DPYD: variants seen among roughly 807,000 people sequenced by gnomAD.
The protein encoded by DPYD is dihydropyrimidine dehydrogenase [NADP(+)].
DPYD carries 109 observed loss-of-function variants against 116.2 expected under a neutral mutation model. The observed-to-expected ratio is 0.94, with a 90% CI of 0.80 to 1.10. DPYD has a LOEUF of 1.10. Ranked by LOEUF, DPYD falls within the 50% of genes least tolerant of loss-of-function variation. The pLI is 0.00. For missense variants in DPYD, 1,302 were observed against 1,254.5 expected, an observed-to-expected ratio of 1.04 and a Z score of -0.57; for synonymous variants, 440 against 432.0, an observed-to-expected ratio of 1.02 and a Z score of -0.23.
At chr1:97,606,066 C>T (rs150643639) in intron 8 of DPYD, among the ~76,000 whole-genome samples, 51 of 152,052 alleles carry the variant, frequency 3.4e-4, no homozygotes, top group African/African-American at 1.2e-3. Flanking sequence ...ATTTTTGTTG[C>T]ATAAAATTAT....
chr1:97,266,138 A>G (rs1664212742), intron 18 of DPYD, among the ~76,000 whole-genome samples: 1 of 152,206 alleles, frequency 6.6e-6, no homozygotes, highest in Non-Finnish European at 1.5e-5. Context: ...TTAGCTCATA[A>G]TATTTTTAGT....
chr1:97,586,416 C>A (rs549362820), intron 10 of DPYD: 2 of 131,686 alleles, frequency 1.5e-5, no homozygotes, highest in Non-Finnish European at 3.1e-5. Flanking sequence ...AGGTAAAAAA[C>A]GTTCACTTTT....
At position 97,206,184 on chromosome 1, in the gene DPYD, G is replaced by A. The variant is rs1659584501; in HGVS notation, c.2443-12936C>T. Among the ~76,000 whole-genome samples the A allele has an allele frequency of 2.0e-5, 3 of 151,950 alleles. No individual in the cohort carries two copies. The South Asian group carries it at 6.2e-4, about 32-fold the overall frequency. On this transcript the variant is annotated intron_variant, in intron 19 of 22. Transcript: ENST00000370192. ...CAGCCTAAAAAAAAAACTCAAAGGGGACAGGGGAGGCAAGGAGCTACTCAA... is the reference window on the plus strand; with the variant it reads ...CAGCCTAAAAAAAAAACTCAAAGGGAACAGGGGAGGCAAGGAGCTACTCAA...
intron 8 of DPYD, among the ~76,000 whole-genome samples, chr1:97,619,891 T>C (rs1016197111): frequency 6.6e-5 from 10 of 152,148 alleles, no homozygotes; most frequent in East Asian, 1.9e-4. Context: ...TGTTGAAAAA[T>C]AGATTTGAGG....
intron 11 of DPYD, among the ~76,000 whole-genome samples, chr1:97,562,350 C>T (rs928043763): frequency 3.9e-5 from 6 of 152,130 alleles, no homozygotes; most frequent in Non-Finnish European, 7.4e-5. Context: ...ATTGTAAATA[C>T]ACTTTGAGGA....
At chr1:97,546,391 G>A (rs1650866458) in intron 12 of DPYD, 1 of 1,490,338 alleles carries the variant, frequency 6.7e-7, no homozygotes, top group East Asian at 2.3e-5. Context: ...AGAAGTTTCA[G>A]ATAAGGGCAG....
chr1:97,165,958 C>T (rs1233812238), intron 20 of DPYD, among the ~76,000 whole-genome samples: 1 of 151,708 alleles, frequency 6.6e-6, no homozygotes, highest in African/African-American at 2.4e-5. Flanking sequence ...GAAAAGAGAA[C>T]ACTTATACAC....
At chr1:97,461,450 G>A (rs182464556) in intron 13 of DPYD, among the ~76,000 whole-genome samples, 3 of 151,912 alleles carry the variant, frequency 2.0e-5, no homozygotes, top group South Asian at 2.1e-4. Flanking sequence ...AAGTCATTTC[G>A]GGCAACACAC....
chr1:97,143,308 T>C (rs1395342723), intron 20 of DPYD, among the ~76,000 whole-genome samples: 1 of 152,128 alleles, frequency 6.6e-6, no homozygotes, highest in Non-Finnish European at 1.5e-5. Context: ...CATCTTGACA[T>C]CTGCTTTAGG....
chr1:97,222,343 T>A (rs567165546), intron 19 of DPYD, among the ~76,000 whole-genome samples: 43 of 152,266 alleles, frequency 2.8e-4, no homozygotes, highest in East Asian at 7.7e-4. Flanking sequence ...CTCATGATTA[T>A]TCTCTAACTT....
At chr1:97,763,462 T>C (rs1665688852) in intron 3 of DPYD, among the ~76,000 whole-genome samples, 1 of 151,982 alleles carries the variant, frequency 6.6e-6, no homozygotes, top group Non-Finnish European at 1.5e-5. Context: ...TTTCTTCTTC[T>C]GGCAAAAGCA....
intron 3 of DPYD, among the ~76,000 whole-genome samples, chr1:97,773,544 C>T (rs897807645): frequency 1.3e-5 from 2 of 152,116 alleles, no homozygotes; most frequent in South Asian, 4.2e-4. Flanking sequence ...CTCCCCCCAT[C>T]CTGTGCCTAT....
At chr1:97,880,624 T>C (rs943531504) in intron 2 of DPYD, among the ~76,000 whole-genome samples, 1 of 151,978 alleles carries the variant, frequency 6.6e-6, no homozygotes, top group Non-Finnish European at 1.5e-5. Flanking sequence ...ATTACTATTT[T>C]AACATAGATC....
chr1:97,292,043 G>A (rs758960675), intron 18 of DPYD, among the ~76,000 whole-genome samples: 2 of 151,890 alleles, frequency 1.3e-5, no homozygotes, highest in Non-Finnish European at 2.9e-5. Context: ...TCCTTTCAAA[G>A]TGGGGACTAA....
chr1:97,258,655 T>G (rs1340936236), intron 18 of DPYD, among the ~76,000 whole-genome samples: 1 of 152,134 alleles, frequency 6.6e-6, no homozygotes, highest in Non-Finnish European at 1.5e-5. Context: ...CAATGAGGCC[T>G]GTTTGTGAAG....
chr1:97,817,543 T>C (rs1668691968), intron 3 of DPYD, among the ~76,000 whole-genome samples: 1 of 152,094 alleles, frequency 6.6e-6, no homozygotes. Flanking sequence ...TATTATAGTA[T>C]ATTGTGACAT....
chr1:97,824,914 C>T (rs778904030), intron 3 of DPYD, among the ~76,000 whole-genome samples: 21 of 152,144 alleles, frequency 1.4e-4, no homozygotes, highest in Admixed American at 5.2e-4. Context: ...GTCTCAAATG[C>T]GCACATCAAC....
At position 97,079,111 on chromosome 1, in the gene DPYD, G is replaced by C; in HGVS notation, c.2943C>G (p.Thr981=). 3 of 1,613,630 alleles carry C rather than the reference G, an allele frequency of 1.9e-6. No individual in the cohort carries two copies. The highest frequency in any genetic ancestry group is 1.7e-6 in the Non-Finnish European group (2 of 1,179,672). ...IQFDPETHLP[T]ITDTCTGCTL... Reference sequence around the variant, plus strand: ...TACAGCCTGTACAAGTGTCGGTTATGGTGGGCAGGTGGGTTTCTGGATCAA... The same window carrying C: ...TACAGCCTGTACAAGTGTCGGTTATCGTGGGCAGGTGGGTTTCTGGATCAA... Residue 981 remains threonine, a synonymous_variant, in exon 23 of 23, where the codon ACC becomes ACG. Coordinates refer to ENST00000370192, the MANE Select transcript of DPYD (RefSeq NM_000110.4).
intron 5 of DPYD, among the ~76,000 whole-genome samples, chr1:97,713,548 G>C (rs774723973): frequency 4.3e-4 from 66 of 152,150 alleles, no homozygotes; most frequent in Non-Finnish European, 8.4e-4. Flanking sequence ...GATTTCTAAA[G>C]ATTTTTGGAG....
Sources: gnomAD v4.1 joint callset for allele counts (sites outside exome capture counted in the v4.1 genomes callset) on GRCh38, gnomAD v4.1.1 for gene constraint, MANE v1.5 for transcripts, NCBI Gene and HGNC (gene_info 2026-07-23, HGNC 2026-07-21) for gene names.